Variants in BSPH1 observed in about 807,000 individuals in gnomAD.
BSPH1 encodes the protein binder of sperm protein homolog 1.
In BSPH1, 21 loss-of-function variants were observed where a neutral mutation model predicts 22.5. The observed-to-expected ratio is 0.93, with a 90% CI of 0.66 to 1.35. The LOEUF (loss-of-function observed/expected upper bound fraction) is 1.35, where lower values mean the gene tolerates loss of function less well. Ranked by LOEUF, BSPH1 falls within the 40% of genes most tolerant of loss-of-function variation. The probability of loss-of-function intolerance (pLI) is 0.00; values close to 1 mark genes in which losing one functional copy is unlikely to be tolerated. For synonymous variants in BSPH1, 42 were observed against 53.6 expected (o/e 0.78, Z 0.95); for missense variants, 141 against 154.2 (o/e 0.91, Z 0.45).
intron 1 of BSPH1, among the ~76,000 whole-genome samples, chr19:47,989,962 T>G (rs1969507345): frequency 6.6e-6 from 1 of 151,276 alleles, no homozygotes; most frequent in South Asian, 2.1e-4. Context: ...CTACTAAAAA[T>G]ACAAAAATTA....
At position 47,976,325 on chromosome 19, in the gene BSPH1, C is replaced by A. The variant is rs537274481; in HGVS notation, c.*2+385G>T. Among the ~76,000 whole-genome samples the A allele has an allele frequency of 2.6e-5, 4 of 152,034 alleles. No individual in the cohort carries two copies. In the East Asian group the frequency reaches 7.8e-4, roughly 30 times the overall value. On this transcript the variant is annotated intron_variant, in intron 5 of 5. Coordinates refer to ENST00000344839, the MANE Select transcript of BSPH1 (RefSeq NM_001128326.2). ...ATTTTTTCTTTTGTAGAAACGGGGT[C>A]TTGCTATGTTGGTCCAGGCTGGTCT... is the stretch of plus-strand genomic sequence containing the variant.
chr19:47,991,951 T>C, intron 1 of BSPH1, 58 bp downstream of exon 1: 5 of 1,170,464 alleles, frequency 4.3e-6, no homozygotes, highest in Non-Finnish European at 6.2e-6. Context: ...TTGCTCTCAC[T>C]CTGCTCCAAA....
intron 1 of BSPH1, among the ~76,000 whole-genome samples, chr19:47,982,571 T>C (rs1969428838): frequency 6.6e-6 from 1 of 152,042 alleles, no homozygotes; most frequent in Non-Finnish European, 1.5e-5. Context: ...ACCAGCTGAG[T>C]TTTTAAAAAC....
In BSPH1 at chr19:47,977,451, T is replaced by A. The variant is rs1420471800; in HGVS notation, c.178A>T (p.Ile60Phe). ...CACTTGTGTCTTGCCTTGGACTTGA[T>A]GCAGTCATAATATGTTCCATTTTTA... ...HYKNGTYYDC[I>F]KSKARHKWCS... is the part of the protein sequence containing the mutation. Residue 60 changes from isoleucine to phenylalanine, a missense_variant, in exon 4 of 6, where the codon ATC becomes TTC. Transcript: ENST00000344839. 2 of 1,551,992 alleles carry A rather than the reference T, an allele frequency of 1.3e-6. No individual in the cohort carries two copies. Among genetic ancestry groups the A allele is most frequent in the Middle Eastern group, 1.7e-4 (1 of 5,994 alleles).
intron 5 of BSPH1, among the ~76,000 whole-genome samples, chr19:47,976,138 A>G (rs774934281): frequency 6.6e-6 from 1 of 151,872 alleles, no homozygotes; most frequent in Non-Finnish European, 1.5e-5. Context: ...CCCAAAATCC[A>G]TAAGCTTATT....
rs10589898 is a variant in BSPH1 at position 47,969,684 on chromosome 19, GGAGAGAGAGAGAGAGAGA to G, written c.*3-1493_*3-1476del. ...CACTACCTGTAAGGCAGGGAGAGGG[GGAGAGAGAGAGAGAGAGA>G]GAGAGAGAGAGAGAGAGAGAGAGAC... is the stretch of plus-strand genomic sequence containing the variant. On this transcript the variant is annotated intron_variant, in intron 5 of 5. Transcript: ENST00000344839. Among the ~76,000 whole-genome samples, 10 of 113,874 alleles carry G rather than the reference GGAGAGAGAGAGAGAGAGA, an allele frequency of 8.8e-5. No individual in the cohort carries two copies. The South Asian group carries it at 3.0e-3, about 34-fold the overall frequency. The allele number at this position is 113,874 out of a possible 152,430, so 74.7% of individuals were successfully genotyped here.
chr19:47,975,748 C>T (rs1462872508), intron 5 of BSPH1, among the ~76,000 whole-genome samples: 3 of 151,524 alleles, frequency 2.0e-5, no homozygotes, highest in Non-Finnish European at 4.4e-5. Context: ...CTCCGCCTCC[C>T]GTGTTCACGC....
intron 2 of BSPH1, among the ~76,000 whole-genome samples, chr19:47,980,233 G>T (rs537909923): frequency 6.6e-6 from 1 of 151,902 alleles, no homozygotes; most frequent in South Asian, 2.1e-4. Context: ...TCATCCCTGA[G>T]GGAATTTTAA....
At chr19:47,970,050 GTTTTATTTTAT>G (rs1230392470) in intron 5 of BSPH1, among the ~76,000 whole-genome samples, 5 of 152,006 alleles carry the variant, frequency 3.3e-5, no homozygotes, top group South Asian at 2.1e-4. Flanking sequence ...ATTTATTTTT[GTTTTATTTTAT>G]TTTTATTTTA....
intron 1 of BSPH1, among the ~76,000 whole-genome samples, chr19:47,988,308 G>C (rs1969490428): frequency 6.6e-6 from 1 of 152,146 alleles, no homozygotes; most frequent in South Asian, 2.1e-4. Flanking sequence ...GTTCTGTTCT[G>C]AGCGTCACGC....
chr19:47,969,571 ATATAT>A (rs777081398), intron 5 of BSPH1, among the ~76,000 whole-genome samples: 24 of 152,068 alleles, frequency 1.6e-4, no homozygotes, highest in Non-Finnish European at 1.2e-4. Flanking sequence ...TAATATAAGG[ATATAT>A]TATAAATGGT....
At chr19:47,984,318 T>C (rs1425221495) in intron 1 of BSPH1, among the ~76,000 whole-genome samples, 1 of 151,270 alleles carries the variant, frequency 6.6e-6, no homozygotes, top group Non-Finnish European at 1.5e-5. Flanking sequence ...TATACAAAAC[T>C]GGCTTTCTTT....
At chr19:47,986,518 T>C (rs1396786840) in intron 1 of BSPH1, among the ~76,000 whole-genome samples, 1 of 152,040 alleles carries the variant, frequency 6.6e-6, no homozygotes, top group Admixed American at 6.6e-5. Context: ...CCAGGAGGAC[T>C]GCTTGAACCC....
chr19:47,981,539 G>A lies in BSPH1; in HGVS notation c.74-598C>T, dbSNP rs1055808752. On this transcript the variant is annotated intron_variant, in intron 1 of 5. Transcript: ENST00000344839. The stretch of plus-strand genomic sequence containing the variant: ...TAGAGATAAAGTTCAGAAATGTTAG[G>A]TTCCATTAAATTAAAAAAGTTAAGC... Among the ~76,000 whole-genome samples the A allele has an allele frequency of 3.9e-5, 6 of 152,268 alleles. No homozygotes were observed. In the East Asian group the frequency reaches 7.7e-4, roughly 20 times the overall value.
chr19:47,967,738 G>C (rs1018850396), downstream of BSPH1, among the ~76,000 whole-genome samples: 3 of 152,192 alleles, frequency 2.0e-5, no homozygotes, highest in Non-Finnish European at 4.4e-5. Context: ...GGTCCTGGGG[G>C]TTGGGGCTTC....
At chr19:47,969,118 T>G (rs1475064227) in intron 5 of BSPH1, among the ~76,000 whole-genome samples, 2 of 152,068 alleles carry the variant, frequency 1.3e-5, no homozygotes, top group Admixed American at 6.6e-5. Flanking sequence ...GGGCTGGTGC[T>G]GGTGACACCA....
intron 5 of BSPH1, among the ~76,000 whole-genome samples, chr19:47,969,885 T>C (rs1275331951): frequency 6.6e-6 from 1 of 151,846 alleles, no homozygotes; most frequent in Non-Finnish European, 1.5e-5. Context: ...AATTTATTTT[T>C]GTGTGTGTGA....
intron 4 of BSPH1, among the ~76,000 whole-genome samples, chr19:47,977,071 G>T (rs1432510824): frequency 1.3e-5 from 2 of 152,186 alleles, no homozygotes; most frequent in Non-Finnish European, 2.9e-5. Flanking sequence ...TTCCTATTCA[G>T]TATCATCTGC....
chr19:47,970,146 C>A (rs1969299216), intron 5 of BSPH1, among the ~76,000 whole-genome samples: 1 of 152,128 alleles, frequency 6.6e-6, no homozygotes, highest in Non-Finnish European at 1.5e-5. Context: ...GCAACCTCCG[C>A]CTCCTGGGTT....
Sources: allele counts gnomAD v4.1 joint callset (sites outside exome capture counted in the v4.1 genomes callset), GRCh38; gene constraint gnomAD v4.1.1; transcripts MANE v1.5; gene names NCBI Gene and HGNC (gene_info 2026-07-23, HGNC 2026-07-21).